MICAL3: variants seen among roughly 807,000 people sequenced by gnomAD.
The protein encoded by MICAL3 is microtubule associated monooxygenase, calponin and LIM domain containing 3.
A neutral mutation model predicts 207.4 loss-of-function variants in MICAL3; 62 were observed. That is an observed-to-expected ratio of 0.30 (90% CI 0.24 to 0.37). The LOEUF (loss-of-function observed/expected upper bound fraction) is 0.37, where lower values mean the gene tolerates loss of function less well. Among genes scored for constraint, MICAL3 ranks in the 10% least tolerant of loss-of-function variants. The probability of loss-of-function intolerance (pLI) is 1.00; values close to 1 mark genes in which losing one functional copy is unlikely to be tolerated. For missense variants in MICAL3, 2,368 were observed against 2,635.6 expected (o/e 0.90, Z 2.22); for synonymous variants, 1,077 against 1,069.3 (o/e 1.01, Z -0.14).
chr22:17,818,649 G>A lies in MICAL3; in HGVS notation c.4012C>T (p.Leu1338Phe). 1 of 1,613,690 alleles carries A rather than the reference G, an allele frequency of 6.2e-7. No homozygotes were observed. The highest frequency in any genetic ancestry group is 8.5e-7 in the Non-Finnish European group (1 of 1,179,898). ...WMKSAEIRRSLGLTPVDRSKG... is the reference protein window; with the variant it reads ...WMKSAEIRRSFGLTPVDRSKG... ...CTGCGGTCCACAGGTGTGAGCCCGA[G>A]GCTGCGGCGGATCTCCGCACTCTTC... Residue 1338 changes from leucine to phenylalanine, a missense_variant, in exon 26 of 32, where the codon CTC (leucine) becomes TTC (phenylalanine). Leu to Phe is a conservative substitution (Grantham distance 22, BLOSUM62 0). Coordinates refer to ENST00000441493, the MANE Select transcript of MICAL3 (RefSeq NM_015241.3).
chr22:17,884,577 G>C (rs1195938504), intron 16 of MICAL3, among the ~76,000 whole-genome samples: 1 of 152,164 alleles, frequency 6.6e-6, no homozygotes, highest in African/African-American at 2.4e-5. Flanking sequence ...AACAGAAAAA[G>C]GAAAACAGAA....
At position 17,963,854 on chromosome 22, in the gene MICAL3, A is replaced by G. The variant is rs139562180; in HGVS notation, c.-74-56968T>C. 3.3e-5 allele frequency among the ~76,000 whole-genome samples: 5 copies of G among 152,298 alleles called. No individual in the cohort carries two copies. In the East Asian group the frequency reaches 9.7e-4, roughly 29 times the overall value. On this transcript the variant is annotated intron_variant, in intron 1 of 31. Transcript: ENST00000441493. ...GTGCAGACAAGGAGCCGCTTTACCC[A>G]TCAGGCTACCAGCTGAGGGTCAAAT... is the stretch of plus-strand genomic sequence containing the variant.
intron 16 of MICAL3, among the ~76,000 whole-genome samples, chr22:17,877,212 G>A (rs1364263130): frequency 9.2e-5 from 10 of 108,502 alleles, no homozygotes; most frequent in Non-Finnish European, 1.8e-4. Context: ...GGTTATGGAG[G>A]TTATGGAGGT....
chr22:17,890,145 A>T (rs1478811316), intron 12 of MICAL3, among the ~76,000 whole-genome samples: 2 of 152,190 alleles, frequency 1.3e-5, no homozygotes, highest in Non-Finnish European at 2.9e-5. Context: ...ATTCTTCTTT[A>T]CATGACTTCA....
chr22:17,885,592 A>G (rs1228100352), intron 16 of MICAL3, among the ~76,000 whole-genome samples: 1 of 151,984 alleles, frequency 6.6e-6, no homozygotes, highest in Non-Finnish European at 1.5e-5. Context: ...TATGTCTGCA[A>G]ACATGTACAG....
Position 17,788,999 on chromosome 22 carries a change from G to A in MICAL3, c.*1733C>T, listed in dbSNP as rs545202384. On this transcript the variant is annotated 3_prime_UTR_variant, in exon 32 of 32. Coordinates refer to ENST00000441493, the MANE Select transcript of MICAL3 (RefSeq NM_015241.3). Reference sequence around the variant, plus strand: ...TCCGGATGGCTCCTCGCTGGGCTATGTGCTGACTGCTTTGATGGACAAGCA... The same window carrying A: ...TCCGGATGGCTCCTCGCTGGGCTATATGCTGACTGCTTTGATGGACAAGCA... The A allele has an allele frequency of 6.6e-6, 1 of 152,538 alleles. No homozygotes were observed. The highest frequency in any genetic ancestry group is 2.1e-4 in the South Asian group (1 of 4,834). The allele number at this position is 152,538 out of a possible 1,614,324, so 9.4% of individuals were successfully genotyped here. A position where few individuals can be genotyped will look rare whatever the true frequency, so the allele number is the denominator to read the frequency against.
At chr22:17,938,898 C>T (rs147294952) in intron 1 of MICAL3, among the ~76,000 whole-genome samples, 5 of 152,292 alleles carry the variant, frequency 3.3e-5, no homozygotes, top group African/African-American at 1.2e-4. Context: ...TGCTCCCACC[C>T]CTGGCTACCA....
rs547193540 is a variant in MICAL3, at chr22:17,928,825, C to T, written c.-74-21939G>A. Among the ~76,000 whole-genome samples, 10 of 152,288 alleles carry T rather than the reference C, an allele frequency of 6.6e-5. No individual in the cohort carries two copies. In the East Asian group the frequency reaches 1.4e-3, roughly 21 times the overall value. On this transcript the variant is annotated intron_variant, in intron 1 of 31. Coordinates refer to ENST00000441493, the MANE Select transcript of MICAL3 (RefSeq NM_015241.3). The stretch of plus-strand genomic sequence containing the variant: ...ACTTTTTTTTCTTAAGACGGAGTCT[C>T]ACTCTGTCACCCAGGCTGGAGTGCA...
intron 11 of MICAL3, among the ~76,000 whole-genome samples, chr22:17,892,368 C>A (rs567910793): frequency 2.0e-5 from 3 of 152,300 alleles, no homozygotes; most frequent in African/African-American, 4.8e-5. Flanking sequence ...GCTCTGATAT[C>A]GGCCATTCAA....
Position 17,817,622 on chromosome 22 carries a change from CCT to C in MICAL3, c.5037_5038del (p.Gly1681ProfsTer125), listed in dbSNP as rs1215342866. ...TGAAGTGAAAGAGCCATCTGGGCCC[CCT>C]GAGTCCGACGGCGGGGAGAGGACCT... is the stretch of plus-strand genomic sequence containing the variant. On this transcript the variant is annotated frameshift_variant, in exon 26 of 32. Coordinates refer to ENST00000441493, the MANE Select transcript of MICAL3 (RefSeq NM_015241.3). LOFTEE classifies it high-confidence loss of function. The C allele has an allele frequency of 3.1e-6, 5 of 1,613,082 alleles. No individual in the cohort carries two copies. The highest frequency in any genetic ancestry group is 1.7e-5 in the Admixed American group (1 of 59,982).
intron 19 of MICAL3, among the ~76,000 whole-genome samples, chr22:17,853,820 A>G (rs1305953827): frequency 6.6e-6 from 1 of 152,230 alleles, no homozygotes; most frequent in Non-Finnish European, 1.5e-5. Context: ...GGGTACAGAA[A>G]CAACACAGGA....
chr22:17,878,507 T>C (rs1929103861), intron 16 of MICAL3, among the ~76,000 whole-genome samples: 1 of 152,206 alleles, frequency 6.6e-6, no homozygotes, highest in South Asian at 2.1e-4. Context: ...GATTAGCTCC[T>C]ATCGGGTCCG....
In MICAL3 at chr22:17,830,983, C is replaced by T. The variant is rs182053488; in HGVS notation, c.3055+871G>A. Among the ~76,000 whole-genome samples, 26 of 152,334 alleles carry T rather than the reference C, an allele frequency of 1.7e-4. No homozygotes were observed. In the East Asian group the frequency reaches 4.0e-3, roughly 24 times the overall value. On this transcript the variant is annotated intron_variant, in intron 21 of 31. Transcript: ENST00000441493. ...CAGACCCCCGGATGGGACTGGGCAG[C>T]AAGCACACAGGTGCCAGGAGAAGCA...
intron 15 of MICAL3, 40 bp from the exon 16 acceptor site, chr22:17,886,091 G>A (rs748932818): frequency 1.2e-6 from 2 of 1,607,568 alleles, no homozygotes; most frequent in Admixed American, 3.3e-5. Context: ...CGCTGTGACA[G>A]GAGGCTCCCC....
In MICAL3 at chr22:17,789,874, A is replaced by G. The variant is rs1310106303; in HGVS notation, c.*858T>C. On this transcript the variant is annotated 3_prime_UTR_variant, in exon 32 of 32. Transcript: ENST00000441493. ...CGGCTGAGCGTCTTGCCAGGTTGTC[A>G]GCTTCATTTCAACGTGCAAACACAG... The G allele has an allele frequency of 6.6e-6, 1 of 152,256 alleles. No homozygotes were observed. The highest frequency in any genetic ancestry group is 1.5e-5 in the Non-Finnish European group (1 of 68,048). The allele number at this position is 152,256 out of a possible 1,614,324, so 9.4% of individuals were successfully genotyped here.
At position 17,808,861 on chromosome 22, in the gene MICAL3, G is replaced by A. The variant is rs748416314; in HGVS notation, c.5633C>T (p.Ala1878Val). 7 of 1,552,674 alleles carry A rather than the reference G, an allele frequency of 4.5e-6. No homozygotes were observed. The highest frequency in any genetic ancestry group is 4.1e-5 in the African/African-American group (3 of 73,092). The change falls in exon 29 of 32, where the codon GCG becomes GTG. Residue 1878 changes from alanine to valine, a missense_variant. Transcript: ENST00000441493. ...GGCAGTACCTGCTTCGCCCCGGAGC[G>A]CCTTCTCCACAGCCACGCCCCTTTC... is the stretch of plus-strand genomic sequence containing the variant. ...LEERGVAVEKALRGEAGMGKK... is the reference protein window; with the variant it reads ...LEERGVAVEKVLRGEAGMGKK...
At chr22:17,858,178 C>T (rs1434850808) in intron 19 of MICAL3, among the ~76,000 whole-genome samples, 10 of 152,172 alleles carry the variant, frequency 6.6e-5, no homozygotes. Context: ...GCCTACCACC[C>T]CCTCCCGCCA....
At chr22:17,850,405 T>G (rs945596053) in intron 19 of MICAL3, among the ~76,000 whole-genome samples, 2 of 115,792 alleles carry the variant, frequency 1.7e-5, no homozygotes, top group Non-Finnish European at 3.5e-5. Flanking sequence ...AATTAGTTTT[T>G]TTTTTTTTTT....
intron 10 of MICAL3, 72 bp downstream of exon 10, chr22:17,895,212 A>G: frequency 6.7e-7 from 1 of 1,501,536 alleles, no homozygotes; most frequent in Non-Finnish European, 9.2e-7. Context: ...AGGTGCACGC[A>G]TCTCAACAGA....
Sources: gnomAD v4.1 joint callset for allele counts (sites outside exome capture counted in the v4.1 genomes callset) on GRCh38, gnomAD v4.1.1 for gene constraint, MANE v1.5 for transcripts, NCBI Gene and HGNC (gene_info 2026-07-23, HGNC 2026-07-21) for gene names.